Variants in COL19A1 observed in about 807,000 individuals in gnomAD.
COL19A1 encodes the protein collagen type XIX alpha 1 chain.
In COL19A1, 159 loss-of-function variants were observed where a neutral mutation model predicts 190.2. The observed-to-expected ratio is 0.84, with a 90% CI of 0.73 to 0.95. The LOEUF is 0.95. COL19A1 is among the 40% of genes least tolerant of loss of function. COL19A1 has a pLI of 0.00. For missense variants in COL19A1, 1,418 were observed against 1,431.9 expected, an observed-to-expected ratio of 0.99 and a Z score of 0.16; for synonymous variants, 509 against 458.9, an observed-to-expected ratio of 1.11 and a Z score of -1.39.
At chr6:70,098,470 G>A (rs1359027833) in intron 15 of COL19A1, 1 of 506,742 alleles carries the variant, frequency 2.0e-6, no homozygotes, top group Non-Finnish European at 3.9e-6. Flanking sequence ...TGAATCTGCG[G>A]TATACAATAT....
At position 70,126,486 on chromosome 6, in the gene COL19A1, T is replaced by C. The variant is rs141813815; in HGVS notation, c.1342-3696T>C. 7.1e-3 allele frequency among the ~76,000 whole-genome samples: 1,075 copies of C among 152,324 alleles called. 19 individuals are homozygous for C. Among genetic ancestry groups the C allele is most frequent in the African/African-American group, 0.024 (1,015 of 41,556 alleles). ...GCACAGACATATGGACTTTCAGATG[T>C]TGGTTTGATTACAGACAGCCCCCCA... On this transcript the variant is annotated intron_variant, in intron 17 of 50. Transcript: ENST00000620364.
intron 12 of COL19A1, among the ~76,000 whole-genome samples, chr6:70,026,623 C>A (rs1236985014): frequency 6.7e-6 from 1 of 150,258 alleles, no homozygotes; most frequent in African/African-American, 2.4e-5. Context: ...AAGAGTTCTC[C>A]TCTTTCCCCT....
chr6:70,188,055 T>C lies in COL19A1; in HGVS notation c.2857-20T>C, dbSNP rs1272619456. ...GATGCTAGAAGAGATTATTCTTTGT[T>C]ATTATTTTTTCCTTAACAGGGTGAT... On this transcript the variant is annotated intron_variant, in intron 46 of 50. Transcript: ENST00000620364. 1.2e-6 allele frequency: 2 copies of C among 1,611,896 alleles called. No homozygotes were observed. The highest frequency in any genetic ancestry group is 1.7e-6 in the Non-Finnish European group (2 of 1,179,416).
At chr6:70,126,994 T>C (rs1489090240) in intron 17 of COL19A1, among the ~76,000 whole-genome samples, 1 of 152,230 alleles carries the variant, frequency 6.6e-6, no homozygotes, top group Non-Finnish European at 1.5e-5. Context: ...ACCACATGAT[T>C]AGAGATTACT....
intron 4 of COL19A1, among the ~76,000 whole-genome samples, chr6:69,920,379 G>A (rs1278629256): frequency 6.6e-6 from 1 of 152,148 alleles, no homozygotes; most frequent in Non-Finnish European, 1.5e-5. Context: ...CATAGAGAAT[G>A]TCAGAGAGCA....
At chr6:70,009,733 A>C (rs1777866316) in intron 11 of COL19A1, among the ~76,000 whole-genome samples, 1 of 152,198 alleles carries the variant, frequency 6.6e-6, no homozygotes, top group South Asian at 2.1e-4. Flanking sequence ...ATCAGCTTAA[A>C]GATAGACAAA....
At chr6:70,089,745 G>A (rs1251782278) in intron 15 of COL19A1, among the ~76,000 whole-genome samples, 2 of 152,094 alleles carry the variant, frequency 1.3e-5, no homozygotes, top group African/African-American at 4.8e-5. Context: ...TTTCTCCCTT[G>A]AGTACAAGTT....
intron 14 of COL19A1, among the ~76,000 whole-genome samples, chr6:70,067,213 G>C (rs1781286212): frequency 6.6e-6 from 1 of 152,128 alleles, no homozygotes; most frequent in Non-Finnish European, 1.5e-5. Context: ...GCTGTGATGT[G>C]AATGGATGGA....
In COL19A1 at chr6:69,966,255, C is replaced by A. The variant is rs61336925; in HGVS notation, c.1026+3385C>A. 8.1e-3 allele frequency among the ~76,000 whole-genome samples: 1,227 copies of A among 152,270 alleles called. 14 individuals carry two copies. Among genetic ancestry groups the A allele is most frequent in the African/African-American group, 0.028 (1,144 of 41,536 alleles). ...GAGGAGCCCCTCTGCCCGGCCGCCACCCCGTCTGGGAGGTGTACCCAACAG... is the reference window on the plus strand; with the variant it reads ...GAGGAGCCCCTCTGCCCGGCCGCCAACCCGTCTGGGAGGTGTACCCAACAG... On this transcript the variant is annotated intron_variant, in intron 11 of 50. Coordinates refer to ENST00000620364, the MANE Select transcript of COL19A1 (RefSeq NM_001858.6).
chr6:70,095,505 A>G (rs914263543), intron 15 of COL19A1, among the ~76,000 whole-genome samples: 1 of 152,192 alleles, frequency 6.6e-6, no homozygotes, highest in African/African-American at 2.4e-5. Context: ...ACATTTTGGT[A>G]AAAATAGTTG....
chr6:70,158,838 T>G (rs921321088), intron 34 of COL19A1, among the ~76,000 whole-genome samples: 1 of 152,156 alleles, frequency 6.6e-6, no homozygotes, highest in Non-Finnish European at 1.5e-5. Context: ...AATTTGTATT[T>G]TAGTTTGGCA....
chr6:70,117,183 C>A (rs193042235), intron 16 of COL19A1, among the ~76,000 whole-genome samples: 121 of 152,258 alleles, frequency 7.9e-4, no homozygotes, highest in African/African-American at 2.6e-3. Flanking sequence ...CTCTGACTTG[C>A]ACAGACAGCT....
chr6:70,083,508 A>G (rs1782402393), intron 15 of COL19A1, among the ~76,000 whole-genome samples: 1 of 152,210 alleles, frequency 6.6e-6, no homozygotes, highest in African/African-American at 2.4e-5. Flanking sequence ...CAGATTGGAT[A>G]TTTTAAAAAC....
intron 44 of COL19A1, among the ~76,000 whole-genome samples, chr6:70,181,656 A>AAC (rs56362588): frequency 0.04 from 5,956 of 147,866 alleles, 350 homozygotes; most frequent in African/African-American, 0.12. Flanking sequence ...AGATAAAAAC[A>AAC]ACACACACAC....
rs964201068 is a variant in COL19A1, at chr6:70,211,164, T to C, written c.*3890T>C. ...ACTTAAAATTTTACAGTTATATTTG[T>C]ATAACGTTTATATTTTTCTAGAATA... On this transcript the variant is annotated 3_prime_UTR_variant, in exon 51 of 51. Coordinates refer to ENST00000620364, the MANE Select transcript of COL19A1 (RefSeq NM_001858.6). 2.6e-5 allele frequency among the ~76,000 whole-genome samples: 4 copies of C among 152,182 alleles called. No homozygotes were observed. The highest frequency in any genetic ancestry group is 4.8e-5 in the African/African-American group (2 of 41,474).
At chr6:69,977,839 G>A (rs1775806820) in intron 11 of COL19A1, among the ~76,000 whole-genome samples, 1 of 152,034 alleles carries the variant, frequency 6.6e-6, no homozygotes. Flanking sequence ...AACATGAAAT[G>A]TAGCCATTTC....
At chr6:70,020,171 G>A (rs1372365813) in intron 11 of COL19A1, among the ~76,000 whole-genome samples, 1 of 151,754 alleles carries the variant, frequency 6.6e-6, no homozygotes, top group African/African-American at 2.4e-5. Context: ...ACTACCAATT[G>A]GACTATTATT....
chr6:70,109,209 G>A (rs1325032749), intron 16 of COL19A1, among the ~76,000 whole-genome samples: 1 of 152,118 alleles, frequency 6.6e-6, no homozygotes, highest in Non-Finnish European at 1.5e-5. Context: ...GATTTGGAAG[G>A]AGGAGATGTT....
intron 4 of COL19A1, among the ~76,000 whole-genome samples, chr6:69,907,867 G>C (rs1488953994): frequency 6.6e-6 from 1 of 152,152 alleles, no homozygotes; most frequent in Non-Finnish European, 1.5e-5. Flanking sequence ...CACTTTGCTA[G>C]GTTCTGAGCT....
Sources: gnomAD v4.1 joint callset for allele counts (sites outside exome capture counted in the v4.1 genomes callset) on GRCh38, gnomAD v4.1.1 for gene constraint, MANE v1.5 for transcripts, NCBI Gene and HGNC (gene_info 2026-07-23, HGNC 2026-07-21) for gene names.